The following SDK2 variants were observed in gnomAD, a reference collection of about 807,000 sequenced individuals.
SDK2 encodes the protein sidekick cell adhesion molecule 2, also known as protein sidekick-2.
In SDK2, 105 loss-of-function variants were observed where a neutral mutation model predicts 253.9. The ratio of observed to expected loss-of-function variants is 0.41; its 90% confidence interval spans 0.35 to 0.49. The LOEUF is 0.49. Among genes scored for constraint, SDK2 ranks in the 20% least tolerant of loss-of-function variants. The probability of loss-of-function intolerance (pLI) is 0.06; values close to 1 mark genes in which losing one functional copy is unlikely to be tolerated. For missense variants in SDK2, 2,608 were observed against 3,003.0 expected (o/e 0.87, Z 3.07); for synonymous variants, 1,249 against 1,234.9 (o/e 1.01, Z -0.24).
intron 2 of SDK2, among the ~76,000 whole-genome samples, chr17:73,474,181 T>G (rs562704649): frequency 6.6e-6 from 1 of 152,300 alleles, no homozygotes; most frequent in African/African-American, 2.4e-5. Flanking sequence ...TTTAACAAAT[T>G]TTTAAACTTA....
At chr17:73,486,792 C>T (rs1599612089) in intron 2 of SDK2, among the ~76,000 whole-genome samples, 1 of 151,906 alleles carries the variant, frequency 6.6e-6, no homozygotes, top group East Asian at 1.9e-4. Flanking sequence ...CAATTCCTTA[C>T]AATGCTCCTA....
intron 1 of SDK2, among the ~76,000 whole-genome samples, chr17:73,514,206 C>T (rs981537892): frequency 6.6e-6 from 1 of 152,112 alleles, no homozygotes; most frequent in African/African-American, 2.4e-5. Context: ...TCGGAGGTCC[C>T]GGACCAGCAG....
At chr17:73,526,035 G>T (rs1295753355) in intron 1 of SDK2, among the ~76,000 whole-genome samples, 1 of 152,214 alleles carries the variant, frequency 6.6e-6, no homozygotes, top group East Asian at 1.9e-4. Flanking sequence ...TGAAGCCCTT[G>T]ATACATCTGG....
intron 1 of SDK2, among the ~76,000 whole-genome samples, chr17:73,587,603 A>G (rs750197735): frequency 6.6e-6 from 1 of 152,150 alleles, no homozygotes; most frequent in Non-Finnish European, 1.5e-5. Flanking sequence ...CTCTGAGGCC[A>G]CTTCTGGAGC....
chr17:73,619,693 G>T (rs1459415211), intron 1 of SDK2, among the ~76,000 whole-genome samples: 1 of 151,988 alleles, frequency 6.6e-6, no homozygotes, highest in Non-Finnish European at 1.5e-5. Context: ...TGGATTCTTA[G>T]ATATGATGAC....
chr17:73,475,527 G>A (rs1599601795), intron 2 of SDK2, among the ~76,000 whole-genome samples: 1 of 152,328 alleles, frequency 6.6e-6, no homozygotes, highest in South Asian at 2.1e-4. Flanking sequence ...GCATTTGCTT[G>A]CCATCGCAGA....
At chr17:73,526,487 G>T (rs935360919) in intron 1 of SDK2, among the ~76,000 whole-genome samples, 3 of 152,144 alleles carry the variant, frequency 2.0e-5, no homozygotes, top group Non-Finnish European at 4.4e-5. Context: ...TCTCAGCTTG[G>T]CTTCTGGGCT....
chr17:73,505,478 GTCATCA>G (rs147048423), intron 2 of SDK2, among the ~76,000 whole-genome samples: 2 of 151,298 alleles, frequency 1.3e-5, no homozygotes, highest in African/African-American at 2.4e-5. Context: ...CATTGTTATT[GTCATCA>G]TCATCATCAT....
rs779979198 is a variant in SDK2, at chr17:73,383,838, C to A, written c.4705+38G>T. On this transcript the variant is annotated intron_variant, in intron 33 of 44. Transcript: ENST00000392650. The surrounding 1 kb of genome is among the most constrained non-coding windows in gnomAD (Gnocchi z 4.3). ...GCGGGAAGGTGAGGGTGACCGCCCC[C>A]ATCCCACCCATTCCTCTGGCTCCCA... The A allele has an allele frequency of 1.2e-6, 2 of 1,610,574 alleles. No individual in the cohort carries two copies.
chr17:73,471,087 G>A (rs936465851), intron 3 of SDK2, among the ~76,000 whole-genome samples: 5 of 152,240 alleles, frequency 3.3e-5, no homozygotes, highest in African/African-American at 9.6e-5. Flanking sequence ...TGGAATTGGC[G>A]GCACGGGGGA....
At chr17:73,585,120 C>T (rs1019606811) in intron 1 of SDK2, among the ~76,000 whole-genome samples, 1 of 152,174 alleles carries the variant, frequency 6.6e-6, no homozygotes, top group African/African-American at 2.4e-5. Context: ...AGACACCCAG[C>T]GGGGAAAGTG....
rs1005488567 is a variant in SDK2, at chr17:73,336,543, T to C, written c.*2044A>G. 6 of 152,738 alleles carry C rather than the reference T, an allele frequency of 3.9e-5. No homozygotes were observed. The highest frequency in any genetic ancestry group is 1.4e-4 in the African/African-American group (6 of 41,556). The allele number at this position is 152,738 out of a possible 1,614,324, so 9.5% of individuals were successfully genotyped here. The stretch of plus-strand genomic sequence containing the variant: ...TCTCCCCGTTCACATTTCCCAGGGG[T>C]CAAGTGCTTCAGGAAAAACTCATGG... On this transcript the variant is annotated 3_prime_UTR_variant, in exon 45 of 45. Transcript: ENST00000392650.
intron 1 of SDK2, among the ~76,000 whole-genome samples, chr17:73,573,962 C>T (rs1165736590): frequency 6.6e-6 from 1 of 152,216 alleles, no homozygotes; most frequent in Non-Finnish European, 1.5e-5. Flanking sequence ...ATGTCACCTC[C>T]CCGACCATGA....
intron 21 of SDK2, among the ~76,000 whole-genome samples, chr17:73,400,625 C>T (rs2063014529): frequency 6.6e-6 from 1 of 151,328 alleles, no homozygotes; most frequent in Admixed American, 6.6e-5. Flanking sequence ...GTGGGAAGAA[C>T]GCTGGTATTC....
chr17:73,440,535 C>G (rs1041588091), intron 6 of SDK2, among the ~76,000 whole-genome samples: 1 of 152,202 alleles, frequency 6.6e-6, no homozygotes, highest in African/African-American at 2.4e-5. Flanking sequence ...AGAAGTGAGT[C>G]CACCCTCCCT....
At chr17:73,518,324 T>C (rs1234668796) in intron 1 of SDK2, 2 of 109,188 alleles carry the variant, frequency 1.8e-5, no homozygotes, top group African/African-American at 5.2e-5. Context: ...CATCATTCTG[T>C]AACTCTGCTG....
chr17:73,339,780 C>G (rs945455280), intron 44 of SDK2, among the ~76,000 whole-genome samples: 14 of 152,176 alleles, frequency 9.2e-5, no homozygotes. Context: ...TGGTCTAGAA[C>G]TCCTGGACTT....
Position 73,644,071 on chromosome 17 carries a change from G to A in SDK2, c.18C>T (p.Ile6=). The change falls in exon 1 of 45, where the codon ATC becomes ATT. Residue 6 remains isoleucine, a synonymous_variant. Coordinates refer to ENST00000392650, the MANE Select transcript of SDK2 (RefSeq NM_001144952.2). This position sits in a 1 kb window ranked among gnomAD's most constrained non-coding sequence, Gnocchi z 6.3. ...TCTGATGCAGAGCTAGCAGTGTCCA[G>A]ATCAAAAGCCCCCACATGGTGACCA... The part of the protein sequence containing the change: MWGLL[I]WTLLALHQIR... The A allele has an allele frequency of 6.5e-7, 1 of 1,549,774 alleles. No homozygotes were observed. Among genetic ancestry groups the A allele is most frequent in the Non-Finnish European group, 8.7e-7 (1 of 1,145,936 alleles).
rs1599606408 is a variant in SDK2, at chr17:73,481,478, T to G, written c.225-9260A>C. Among the ~76,000 whole-genome samples the G allele has an allele frequency of 2.6e-5, 4 of 151,954 alleles. No individual in the cohort carries two copies. The South Asian group carries it at 8.3e-4, about 32-fold the overall frequency. On this transcript the variant is annotated intron_variant, in intron 2 of 44. Transcript: ENST00000392650. The surrounding 1 kb of genome is among the most constrained non-coding windows in gnomAD (Gnocchi z 4.5). The stretch of plus-strand genomic sequence containing the variant: ...TGAGGGTGTTTCTAGAAGAGATCAG[T>G]ATTTGGATCAGCAGATGGAGTAAAG...
Sources: gnomAD v4.1 joint callset for allele counts (sites outside exome capture counted in the v4.1 genomes callset) on GRCh38, gnomAD v4.1.1 for gene constraint, Gnocchi (gnomAD v3.1) non-coding constraint, MANE v1.5 for transcripts, NCBI Gene and HGNC (gene_info 2026-07-23, HGNC 2026-07-21) for gene names.